The following OTUD7A variants were observed in gnomAD, a reference collection of about 807,000 sequenced individuals.
OTUD7A encodes OTU deubiquitinase 7A, also known as OTU domain-containing protein 7A.
In OTUD7A, 12 loss-of-function variants were observed where a neutral mutation model predicts 65.7. The observed-to-expected ratio is 0.18, with a 90% CI of 0.12 to 0.30. The LOEUF (loss-of-function observed/expected upper bound fraction) is 0.30, where lower values mean the gene tolerates loss of function less well. OTUD7A is among the 10% of genes least tolerant of loss of function. The pLI is 1.00. For missense variants in OTUD7A, 1,148 were observed against 1,304.8 expected, an observed-to-expected ratio of 0.88 and a Z score of 1.85; for synonymous variants, 641 against 586.3, an observed-to-expected ratio of 1.09 and a Z score of -1.35.
intron 1 of OTUD7A, among the ~76,000 whole-genome samples, chr15:31,864,619 A>G (rs976538831): frequency 2.0e-5 from 3 of 152,158 alleles, no homozygotes; most frequent in African/African-American, 7.2e-5. Context: ...CCCACAACAC[A>G]TGGAAGTTCT....
At position 31,853,965 on chromosome 15, in the gene OTUD7A, T is replaced by C. The variant is rs776256070; in HGVS notation, c.-100+16542A>G. On this transcript the variant is annotated intron_variant, in intron 1 of 12. Coordinates refer to ENST00000307050, the MANE Select transcript of OTUD7A (RefSeq NM_001382637.1). Reference sequence around the variant, plus strand: ...GAGAAAATACCCATAAAGAAACAGATAAAGTGACTTTATAAAAATATTTCC... The same window carrying C: ...GAGAAAATACCCATAAAGAAACAGACAAAGTGACTTTATAAAAATATTTCC... Among the ~76,000 whole-genome samples the C allele has an allele frequency of 1.2e-4, 19 of 152,304 alleles. No homozygotes were observed. The Middle Eastern group carries it at 0.01, about 82-fold the overall frequency.
chr15:31,737,756 T>C (rs1479299952), intron 1 of OTUD7A, among the ~76,000 whole-genome samples: 1 of 152,214 alleles, frequency 6.6e-6, no homozygotes, highest in African/African-American at 2.4e-5. Context: ...AGACTGAATG[T>C]GTTCATACGG....
chr15:31,757,948 C>T (rs938345255), intron 1 of OTUD7A, among the ~76,000 whole-genome samples: 5 of 152,156 alleles, frequency 3.3e-5, no homozygotes, highest in African/African-American at 7.2e-5. Flanking sequence ...CCCAAAACAA[C>T]GGCCAGATTC....
At chr15:31,562,083 T>C (rs1028041059) in intron 4 of OTUD7A, among the ~76,000 whole-genome samples, 13 of 152,232 alleles carry the variant, frequency 8.5e-5, no homozygotes, top group Non-Finnish European at 1.9e-4. Flanking sequence ...CTTGAACACT[T>C]GGGCTCAGCG....
intron 1 of OTUD7A, among the ~76,000 whole-genome samples, chr15:31,694,200 C>G (rs1893022280): frequency 6.6e-6 from 1 of 152,140 alleles, no homozygotes; most frequent in African/African-American, 2.4e-5. Context: ...CCACGCAGCG[C>G]AGGTGTGTGA....
intron 3 of OTUD7A, among the ~76,000 whole-genome samples, chr15:31,573,216 T>C (rs988742415): frequency 7.2e-5 from 11 of 152,202 alleles, no homozygotes; most frequent in Admixed American, 1.3e-4. Flanking sequence ...TACAAGATAC[T>C]GAAGGAAAGA....
intron 3 of OTUD7A, among the ~76,000 whole-genome samples, chr15:31,596,360 G>A (rs1011835825): frequency 2.0e-5 from 3 of 152,128 alleles, no homozygotes; most frequent in African/African-American, 7.2e-5. Context: ...GTGCGGATGC[G>A]CTGCAGTGAA....
In OTUD7A at chr15:31,531,520, C is replaced by CAAAA. The variant is rs60332452; in HGVS notation, c.551-716_551-713dup. Among the ~76,000 whole-genome samples the CAAAA allele has an allele frequency of 7.2e-3, 566 of 79,030 alleles. 1 individual carries two copies. Among genetic ancestry groups the CAAAA allele is most frequent in the African/African-American group, 0.01 (238 of 23,752 alleles). The allele number at this position is 79,030 out of a possible 152,430, so 51.8% of individuals were successfully genotyped here. On this transcript the variant is annotated intron_variant, in intron 5 of 12. Coordinates refer to ENST00000307050, the MANE Select transcript of OTUD7A (RefSeq NM_001382637.1). Reference sequence around the variant, plus strand: ...AAAACGAACCAATGAGAGTAGGCCACAAAAAAAAAAAAAAAAAAAAAGATA... The same window carrying CAAAA: ...AAAACGAACCAATGAGAGTAGGCCACAAAAAAAAAAAAAAAAAAAAAAAAAGATA...
At chr15:31,664,484 A>C (rs760431774) in intron 1 of OTUD7A, among the ~76,000 whole-genome samples, 3 of 151,816 alleles carry the variant, frequency 2.0e-5, no homozygotes, top group Non-Finnish European at 2.9e-5. Context: ...CTGTCTATTC[A>C]TATCCTTAGC....
chr15:31,850,857 G>A (rs1434938293), intron 1 of OTUD7A, among the ~76,000 whole-genome samples: 1 of 152,116 alleles, frequency 6.6e-6, no homozygotes, highest in Non-Finnish European at 1.5e-5. Flanking sequence ...GGCACATCCT[G>A]AAGCCAAGCC....
At chr15:31,623,120 T>C (rs1476875108) in intron 3 of OTUD7A, among the ~76,000 whole-genome samples, 1 of 152,238 alleles carries the variant, frequency 6.6e-6, no homozygotes. Flanking sequence ...ATCTTTCCTC[T>C]GGAAGTTTCG....
chr15:31,598,137 C>A (rs540679522), intron 3 of OTUD7A, among the ~76,000 whole-genome samples: 1 of 152,250 alleles, frequency 6.6e-6, no homozygotes, highest in African/African-American at 2.4e-5. Flanking sequence ...TCGCAGTCAG[C>A]CAGCGAAGTT....
At chr15:31,509,515 G>A (rs947691251) in intron 8 of OTUD7A, among the ~76,000 whole-genome samples, 4 of 151,994 alleles carry the variant, frequency 2.6e-5, no homozygotes, top group Non-Finnish European at 5.9e-5. Context: ...TCCTGACCTC[G>A]TGACCGCCTG....
intron 1 of OTUD7A, among the ~76,000 whole-genome samples, chr15:31,863,113 T>C (rs957189618): frequency 6.6e-6 from 1 of 152,220 alleles, no homozygotes; most frequent in Non-Finnish European, 1.5e-5. Flanking sequence ...CAGGTCACGC[T>C]GATGCTAGAG....
chr15:31,752,121 C>A (rs942345921), intron 1 of OTUD7A, among the ~76,000 whole-genome samples: 1 of 152,062 alleles, frequency 6.6e-6, no homozygotes, highest in Non-Finnish European at 1.5e-5. Context: ...TGAAAGAACT[C>A]CAGGTACCTA....
In OTUD7A at chr15:31,832,961, G is replaced by T. The variant is rs1248126251; in HGVS notation, c.-100+37546C>A. On this transcript the variant is annotated intron_variant, in intron 1 of 12. Transcript: ENST00000307050. The stretch of plus-strand genomic sequence containing the variant: ...TTCTTTTGGACATACACCCAAAAGT[G>T]GGACTGCTGGATCCTACGGTAATTT... Among the ~76,000 whole-genome samples, 7 of 152,296 alleles carry T rather than the reference G, an allele frequency of 4.6e-5. No individual in the cohort carries two copies. The South Asian group carries it at 6.2e-4, about 14-fold the overall frequency.
chr15:31,582,599 C>T lies in OTUD7A; in HGVS notation c.152-12402G>A, dbSNP rs1297126129. Among the ~76,000 whole-genome samples the T allele has an allele frequency of 3.9e-5, 6 of 152,094 alleles. No homozygotes were observed. In the East Asian group the frequency reaches 5.8e-4, roughly 15 times the overall value. ...TTACATGGCAGCAGGCAAGAGAGCT[C>T]GTGTAGGGGAACTCTCATTTATATA... On this transcript the variant is annotated intron_variant, in intron 3 of 12. Coordinates refer to ENST00000307050, the MANE Select transcript of OTUD7A (RefSeq NM_001382637.1).
intron 1 of OTUD7A, among the ~76,000 whole-genome samples, chr15:31,827,497 A>G (rs1244257326): frequency 6.6e-6 from 1 of 152,234 alleles, no homozygotes; most frequent in Admixed American, 6.5e-5. Context: ...TTGGGTGGGG[A>G]CACAGAGCTA....
At chr15:31,706,369 C>CT (rs1893319927) in intron 1 of OTUD7A, among the ~76,000 whole-genome samples, 1 of 20,860 alleles carries the variant, frequency 4.8e-5, no homozygotes. Context: ...TCCAAATAAA[C>CT]TTTTTTTCAC....
Sources: gnomAD v4.1 joint callset for allele counts (sites outside exome capture counted in the v4.1 genomes callset) on GRCh38, gnomAD v4.1.1 for gene constraint, MANE v1.5 for transcripts, NCBI Gene and HGNC (gene_info 2026-07-23, HGNC 2026-07-21) for gene names.